The following PKDCC variants were observed in gnomAD, a reference collection of about 807,000 sequenced individuals.
PKDCC encodes extracellular tyrosine-protein kinase PKDCC.
A neutral mutation model predicts 44.7 loss-of-function variants in PKDCC; 35 were observed. The ratio of observed to expected loss-of-function variants is 0.78; its 90% CI spans 0.60 to 1.04. The LOEUF is 1.04. Ranked by LOEUF, PKDCC falls within the 50% of genes least tolerant of loss-of-function variation. PKDCC has a pLI of 0.00. For missense variants in PKDCC, 738 were observed against 672.7 expected (o/e 1.10, Z -1.07); for synonymous variants, 353 against 303.3 (o/e 1.16, Z -1.70).
rs911982600 is a variant in PKDCC, at chr2:42,051,390, G to A, written c.640-1849G>A. Among the ~76,000 whole-genome samples, 1 of 141,674 alleles carries A rather than the reference G, an allele frequency of 7.1e-6. No individual in the cohort carries two copies. Among genetic ancestry groups the A allele is most frequent in the Non-Finnish European group, 1.5e-5 (1 of 64,744 alleles). The allele number at this position is 141,674 out of a possible 152,430, so 92.9% of individuals were successfully genotyped here. A position where few individuals can be genotyped will look rare whatever the true frequency, so the allele number is the denominator to read the frequency against. On this transcript the variant is annotated intron_variant, in intron 1 of 6. Transcript: ENST00000294964. The surrounding 1 kb of genome is among the most constrained non-coding windows in gnomAD (Gnocchi z 4.2). The stretch of plus-strand genomic sequence containing the variant: ...CCCCAGGCCTTGGATGGGCCCCCAG[G>A]CCTGCCTGGGCCCAGATTCTGGCCC...
chr2:42,054,424 C>A lies in PKDCC; in HGVS notation c.1034+117C>A, dbSNP rs1161850475. On this transcript the variant is annotated intron_variant, in intron 3 of 6. Transcript: ENST00000294964. This position sits in a 1 kb window ranked among gnomAD's most constrained non-coding sequence, Gnocchi z 6.1. Reference sequence around the variant, plus strand: ...CAGGGAGACTCAGCCTTGACCAGAGCAAGGGAAGGCTTCTACCCTGTCCAG... The same window carrying A: ...CAGGGAGACTCAGCCTTGACCAGAGAAAGGGAAGGCTTCTACCCTGTCCAG... 8.0e-7 allele frequency: 1 copy of A among 1,243,054 alleles called. No homozygotes were observed. The allele number at this position is 1,243,054 out of a possible 1,614,324, so 77.0% of individuals were successfully genotyped here.
intron 2 of PKDCC, 183 bp downstream of exon 2, chr2:42,053,544 C>G (rs1028465012): frequency 8.9e-6 from 7 of 788,448 alleles, no homozygotes; most frequent in Non-Finnish European, 1.4e-5. Context: ...TAAAGGATCC[C>G]GACATGCTGT....
Position 42,057,721 on chromosome 2 carries a change from T to C in PKDCC, c.*33T>C. The C allele has an allele frequency of 1.3e-6, 2 of 1,588,600 alleles. No homozygotes were observed. The highest frequency in any genetic ancestry group is 8.6e-7 in the Non-Finnish European group (1 of 1,159,058). On this transcript the variant is annotated 3_prime_UTR_variant, in exon 7 of 7. Transcript: ENST00000294964. ...GAGGGCTCGGCTGACCAGCTGACTA[T>C]CCTCAGCAGCTGGGCTTGCCTGTGG... is the stretch of plus-strand genomic sequence containing the variant.
Position 42,051,200 on chromosome 2 carries a change from A to T in PKDCC, c.640-2039A>T, listed in dbSNP as rs904439121. On this transcript the variant is annotated intron_variant, in intron 1 of 6. Transcript: ENST00000294964. This position sits in a 1 kb window ranked among gnomAD's most constrained non-coding sequence, Gnocchi z 4.2. Reference sequence around the variant, plus strand: ...TGGTCATGGGGATTGCCTGGGCGAGATCTTTCTATCCATTTTCTTTGACCC... The same window carrying T: ...TGGTCATGGGGATTGCCTGGGCGAGTTCTTTCTATCCATTTTCTTTGACCC... Among the ~76,000 whole-genome samples the T allele has an allele frequency of 3.2e-4, 49 of 151,530 alleles. No homozygotes were observed. Among genetic ancestry groups the T allele is most frequent in the African/African-American group, 1.1e-3 (45 of 41,172 alleles).
rs1220261898 is a variant in PKDCC, at chr2:42,048,028, T to C, written c.-172T>C. The stretch of plus-strand genomic sequence containing the variant: ...GGGGGCAGGGCGGCAGGGAGGCAAG[T>C]GTCAGGCCGATGTGTCGCCCGCGAG... On this transcript the variant is annotated 5_prime_UTR_variant, in exon 1 of 7. Coordinates refer to ENST00000294964, the MANE Select transcript of PKDCC (RefSeq NM_138370.3). This position sits in a 1 kb window ranked among gnomAD's most constrained non-coding sequence, Gnocchi z 6.2. 1 of 164,836 alleles carries C rather than the reference T, an allele frequency of 6.1e-6. No individual in the cohort carries two copies. Among genetic ancestry groups the C allele is most frequent in the East Asian group, 2.6e-4 (1 of 3,840 alleles). 10.2% of individuals were successfully genotyped at this position (164,836 alleles called of 1,614,324 possible). A position where few individuals can be genotyped will look rare whatever the true frequency, so the allele number is the denominator to read the frequency against.
rs1667922934 is a variant in PKDCC at position 42,048,960 on chromosome 2, C to G, written c.639+122C>G. On this transcript the variant is annotated intron_variant, in intron 1 of 6. Transcript: ENST00000294964. The surrounding 1 kb of genome is among the most constrained non-coding windows in gnomAD (Gnocchi z 6.2). ...GTGACTGCACCCAGGCTAAGCTAGA[C>G]GCAGAAACCGGACCATGGCCCTTCC... The G allele has an allele frequency of 2.3e-6, 3 of 1,308,406 alleles. No homozygotes were observed. In the East Asian group the frequency reaches 8.4e-5, roughly 37 times the overall value. The allele number at this position is 1,308,406 out of a possible 1,614,324, so 81.0% of individuals were successfully genotyped here.
In PKDCC at chr2:42,057,886, A is replaced by C; in HGVS notation, c.*198A>C. 1.7e-6 allele frequency: 1 copy of C among 586,438 alleles called. No homozygotes were observed. Among genetic ancestry groups the C allele is most frequent in the Non-Finnish European group, 3.0e-6 (1 of 329,954 alleles). The allele number at this position is 586,438 out of a possible 1,614,324, so 36.3% of individuals were successfully genotyped here. On this transcript the variant is annotated 3_prime_UTR_variant, in exon 7 of 7. Coordinates refer to ENST00000294964, the MANE Select transcript of PKDCC (RefSeq NM_138370.3). ...AAAATGTGAGTTTACCAGCCTAGCT[A>C]TGGGACTGCTGGCTCCTAGTCCAGG...
rs751195489 is a variant in PKDCC, at chr2:42,054,890, ATG to A, written c.1035-47_1035-46del. On this transcript the variant is annotated intron_variant, in intron 3 of 6. Transcript: ENST00000294964. This position sits in a 1 kb window ranked among gnomAD's most constrained non-coding sequence, Gnocchi z 6.1. ...TGCCCCAGGTTGGAATAGAGGAAGG[ATG>A]TGTCTCCAAAGGCTGGATTCCTGAG... The A allele has an allele frequency of 6.6e-7, 1 of 1,517,536 alleles. No homozygotes were observed. Among genetic ancestry groups the A allele is most frequent in the Admixed American group, 1.7e-5 (1 of 59,870 alleles). 94.0% of individuals were successfully genotyped at this position (1,517,536 alleles called of 1,614,324 possible).
chr2:42,052,747 AAAAAAG>A lies in PKDCC; in HGVS notation c.640-487_640-482del, dbSNP rs1203808622. ...ACAGAGCGAGGCTGTCTCAAAAAAA[AAAAAAG>A]AAAAGAAAAGAAAAATAAATAAAAA... is the stretch of plus-strand genomic sequence containing the variant. On this transcript the variant is annotated intron_variant, in intron 1 of 6. Transcript: ENST00000294964. This position sits in a 1 kb window ranked among gnomAD's most constrained non-coding sequence, Gnocchi z 4.3. Among the ~76,000 whole-genome samples, 1 of 151,966 alleles carries A rather than the reference AAAAAAG, an allele frequency of 6.6e-6. No homozygotes were observed. The highest frequency in any genetic ancestry group is 6.6e-5 in the Admixed American group (1 of 15,262).
chr2:42,057,138 G>C, intron 5 of PKDCC, 83 bp from the exon 6 acceptor site: 1 of 1,488,496 alleles, frequency 6.7e-7, no homozygotes, highest in Non-Finnish European at 9.3e-7. Flanking sequence ...GAGTCTTGCT[G>C]CCCTTTCCAG....
At chr2:42,053,635 ACACACT>A in intron 2 of PKDCC, 1 of 532,728 alleles carries the variant, frequency 1.9e-6, no homozygotes, top group Non-Finnish European at 3.3e-6. Flanking sequence ...GGGAGCACTC[ACACACT>A]CACACTCAGC....
At position 42,052,634 on chromosome 2, in the gene PKDCC, A is replaced by T. The variant is rs1443196314; in HGVS notation, c.640-605A>T. Reference sequence around the variant, plus strand: ...CATAGTGGCAAGCGCCTGTAATCCCAGCTACTCGGGAGGCTGAGGCAGGAG... The same window carrying T: ...CATAGTGGCAAGCGCCTGTAATCCCTGCTACTCGGGAGGCTGAGGCAGGAG... On this transcript the variant is annotated intron_variant, in intron 1 of 6. Coordinates refer to ENST00000294964, the MANE Select transcript of PKDCC (RefSeq NM_138370.3). The surrounding 1 kb of genome is among the most constrained non-coding windows in gnomAD (Gnocchi z 4.3). Among the ~76,000 whole-genome samples, 2 of 152,052 alleles carry T rather than the reference A, an allele frequency of 1.3e-5. No homozygotes were observed. Among genetic ancestry groups the T allele is most frequent in the African/African-American group, 4.8e-5 (2 of 41,368 alleles).
chr2:42,048,593 T>TGCGCC lies in PKDCC; in HGVS notation c.399_403dup (p.Leu135ProfsTer97). The TGCGCC allele has an allele frequency of 6.7e-7, 1 of 1,489,822 alleles. No homozygotes were observed. The highest frequency in any genetic ancestry group is 8.9e-7 in the Non-Finnish European group (1 of 1,120,102). The allele number at this position is 1,489,822 out of a possible 1,614,324, so 92.3% of individuals were successfully genotyped here. A position where few individuals can be genotyped will look rare whatever the true frequency, so the allele number is the denominator to read the frequency against. ...CCCCGGCCCGGGCCCGCGCCTGGGC[T>TGCGCC]GCGCCGCGCTTCGCAACGTGTCCGG... On this transcript the variant is annotated frameshift_variant, in exon 1 of 7. Transcript: ENST00000294964. LOFTEE classifies it high-confidence loss of function. This position sits in a 1 kb window ranked among gnomAD's most constrained non-coding sequence, Gnocchi z 6.2.
At chr2:42,050,144 C>T (rs1013698141) in intron 1 of PKDCC, among the ~76,000 whole-genome samples, 1 of 152,180 alleles carries the variant, frequency 6.6e-6, no homozygotes, top group Non-Finnish European at 1.5e-5. Flanking sequence ...CACTTGTGAC[C>T]GGGCCCTGGG....
At position 42,055,398 on chromosome 2, in the gene PKDCC, G is replaced by A. The variant is rs202171315; in HGVS notation, c.1222+5G>A. ...CCACGGCAAGCAGCAGTACCGGTGAGTGGCCCCAAGCTGATCCACAGGGAA... is the reference window on the plus strand; with the variant it reads ...CCACGGCAAGCAGCAGTACCGGTGAATGGCCCCAAGCTGATCCACAGGGAA... On this transcript the variant is annotated splice_donor_5th_base_variant and intron_variant, in intron 5 of 6. Coordinates refer to ENST00000294964, the MANE Select transcript of PKDCC (RefSeq NM_138370.3). This position sits in a 1 kb window ranked among gnomAD's most constrained non-coding sequence, Gnocchi z 4.5. The A allele has an allele frequency of 6.9e-4, 1,108 of 1,612,384 alleles. 1 individual carries two copies. The highest frequency in any genetic ancestry group is 8.6e-4 in the Non-Finnish European group (1,009 of 1,179,430).
Position 42,048,511 on chromosome 2 carries a change from G to A in PKDCC, c.312G>A (p.Trp104Ter). ...GPGLPRPRPP[W>*]ARPLSDGAPG... ...GCCTGCCGCGCCCCCGGCCCCCTTG[G>A]GCCCGGCCCCTGTCCGACGGCGCCC... Residue 104 changes from tryptophan (W) to a stop codon, truncating the protein, a stop_gained, in exon 1 of 7, where the codon TGG becomes TGA. Transcript: ENST00000294964. LOFTEE classifies it high-confidence loss of function. This position sits in a 1 kb window ranked among gnomAD's most constrained non-coding sequence, Gnocchi z 6.2. The A allele has an allele frequency of 8.8e-7, 1 of 1,142,714 alleles. No individual in the cohort carries two copies. 70.8% of individuals were successfully genotyped at this position (1,142,714 alleles called of 1,614,324 possible).
Position 42,048,613 on chromosome 2 carries a change from G to C in PKDCC, c.414G>C (p.Val138=). 6.6e-7 allele frequency: 1 copy of C among 1,522,058 alleles called. No individual in the cohort carries two copies. The highest frequency in any genetic ancestry group is 8.8e-7 in the Non-Finnish European group (1 of 1,135,638). The allele number at this position is 1,522,058 out of a possible 1,614,324, so 94.3% of individuals were successfully genotyped here. Reference sequence around the variant, plus strand: ...TGGGCTGCGCCGCGCTTCGCAACGTGTCCGGCGCGCAGTACATGGGCTCAG... The same window carrying C: ...TGGGCTGCGCCGCGCTTCGCAACGTCTCCGGCGCGCAGTACATGGGCTCAG... ...PRLGCAALRN[V]SGAQYMGSGY... Residue 138 remains valine (V), a synonymous_variant, in exon 1 of 7, where the codon GTG becomes GTC. Coordinates refer to ENST00000294964, the MANE Select transcript of PKDCC (RefSeq NM_138370.3). The surrounding 1 kb of genome is among the most constrained non-coding windows in gnomAD (Gnocchi z 6.2).
rs61732205 is a variant in PKDCC, at chr2:42,057,631, A to T, written c.1425A>T (p.Gly475=). Residue 475 remains glycine (G), a synonymous_variant, in exon 7 of 7, where the codon GGA becomes GGT. Coordinates refer to ENST00000294964, the MANE Select transcript of PKDCC (RefSeq NM_138370.3). The part of the protein sequence containing the change: ...TGRQLVFFKT[G]WSQVVPDPNK... ...GGCAGCTGGTCTTTTTCAAGACTGGATGGAGCCAAGTGGTCCCTGATCCCA... is the reference window on the plus strand; with the variant it reads ...GGCAGCTGGTCTTTTTCAAGACTGGTTGGAGCCAAGTGGTCCCTGATCCCA... 2.6e-5 allele frequency: 42 copies of T among 1,613,986 alleles called. No individual in the cohort carries two copies. Among genetic ancestry groups the T allele is most frequent in the Non-Finnish European group, 3.6e-5 (42 of 1,179,996 alleles).
intron 1 of PKDCC, among the ~76,000 whole-genome samples, chr2:42,049,366 G>A (rs1189978494): frequency 1.3e-5 from 2 of 152,086 alleles, no homozygotes; most frequent in African/African-American, 2.4e-5. Context: ...TTCCTATAGA[G>A]TCTCCCCACC....
Sources: gnomAD v4.1 joint callset for allele counts (sites outside exome capture counted in the v4.1 genomes callset) on GRCh38, gnomAD v4.1.1 for gene constraint, Gnocchi (gnomAD v3.1) non-coding constraint, MANE v1.5 for transcripts, NCBI Gene and HGNC (gene_info 2026-07-23, HGNC 2026-07-21) for gene names.